Variants in PCSK5 observed in about 807,000 individuals in gnomAD.
PCSK5 encodes the protein prohormone convertase 5.
A neutral mutation model predicts 233.2 loss-of-function variants in PCSK5; 129 were observed. The ratio of observed to expected loss-of-function variants is 0.55; its 90% confidence interval spans 0.48 to 0.64. The LOEUF (loss-of-function observed/expected upper bound fraction) is 0.64. PCSK5 is among the 30% of genes least tolerant of loss of function. The pLI, the probability that PCSK5 is intolerant of heterozygous loss-of-function variation, is 0.00. For synonymous variants in PCSK5, 825 were observed against 879.2 expected (o/e 0.94, Z 1.09); for missense variants, 2,076 against 2,430.1 (o/e 0.85, Z 3.06).
At chr9:76,153,409 C>T (rs1009602714) in intron 10 of PCSK5, among the ~76,000 whole-genome samples, 3 of 152,156 alleles carry the variant, frequency 2.0e-5, no homozygotes, top group Admixed American at 6.5e-5. Context: ...TTGAACTGGT[C>T]GGGATTCCTG....
chr9:76,106,318 A>G (rs1277171224), intron 8 of PCSK5, among the ~76,000 whole-genome samples: 8 of 152,236 alleles, frequency 5.3e-5, no homozygotes, highest in Admixed American at 5.2e-4. Context: ...ATTCTTGTCC[A>G]AGAGGGAGGA....
intron 5 of PCSK5, among the ~76,000 whole-genome samples, chr9:76,046,155 CTTTTG>C (rs1829363877): frequency 2.0e-4 from 11 of 55,704 alleles, no homozygotes; most frequent in African/African-American, 4.7e-4. Flanking sequence ...ATAATTTTTT[CTTTTG>C]TTTTTTTTTT....
rs1823296748 is a variant in PCSK5, at chr9:76,143,104, G to T, written c.1312+8892G>T. On this transcript the variant is annotated intron_variant, in intron 10 of 37. Transcript: ENST00000674117. ...GTGAAAGATGTTTGAGAACTTGAGG[G>T]TTACCAAAAGTTGGGGAACCAAGCT... 2.6e-5 allele frequency among the ~76,000 whole-genome samples: 4 copies of T among 152,046 alleles called. No homozygotes were observed. The South Asian group carries it at 8.3e-4, about 32-fold the overall frequency.
chr9:76,101,764 GA>G (rs1831768284), intron 8 of PCSK5, among the ~76,000 whole-genome samples: 1 of 152,148 alleles, frequency 6.6e-6, no homozygotes. Context: ...GAGTTGGCCT[GA>G]AAAACAAATT....
intron 35 of PCSK5, among the ~76,000 whole-genome samples, chr9:76,341,372 C>G (rs1829830435): frequency 6.6e-6 from 1 of 152,126 alleles, no homozygotes; most frequent in South Asian, 2.1e-4. Context: ...ATTTTAAATA[C>G]TTTGTCAAAT....
intron 24 of PCSK5, among the ~76,000 whole-genome samples, chr9:76,269,213 G>A (rs547270732): frequency 6.6e-6 from 1 of 152,278 alleles, no homozygotes; most frequent in African/African-American, 2.4e-5. Context: ...GTTTGTGCTG[G>A]CTGAACAAAT....
At chr9:76,130,054 G>T (rs1388822774) in intron 9 of PCSK5, among the ~76,000 whole-genome samples, 2 of 151,974 alleles carry the variant, frequency 1.3e-5, no homozygotes, top group Non-Finnish European at 2.9e-5. Context: ...AACAATAATG[G>T]TATGCAATAA....
At chr9:76,102,236 C>A (rs1488574317) in intron 8 of PCSK5, among the ~76,000 whole-genome samples, 1 of 152,130 alleles carries the variant, frequency 6.6e-6, no homozygotes, top group Admixed American at 6.5e-5. Context: ...CACTGACGAG[C>A]CCTTTTGTAG....
chr9:76,336,599 C>T (rs1053047621), intron 34 of PCSK5, among the ~76,000 whole-genome samples: 1 of 152,184 alleles, frequency 6.6e-6, no homozygotes, highest in Non-Finnish European at 1.5e-5. Context: ...TGTCTAAATT[C>T]TCTAAGCTTC....
chr9:76,279,441 C>T (rs1029703023), intron 24 of PCSK5, among the ~76,000 whole-genome samples: 1 of 151,366 alleles, frequency 6.6e-6, no homozygotes, highest in Non-Finnish European at 1.5e-5. Flanking sequence ...AATGGGATGG[C>T]TGGGTCAAAT....
chr9:76,337,102 C>T (rs1829698270), intron 34 of PCSK5, among the ~76,000 whole-genome samples: 2 of 131,636 alleles, frequency 1.5e-5, no homozygotes, highest in Non-Finnish European at 3.5e-5. Flanking sequence ...TTGTCACCTC[C>T]TATTTCAAAA....
At chr9:76,274,143 G>A (rs1321462260) in intron 24 of PCSK5, among the ~76,000 whole-genome samples, 15 of 151,570 alleles carry the variant, frequency 9.9e-5, no homozygotes, top group Admixed American at 9.2e-4. Flanking sequence ...GCCTCTATGG[G>A]TTGAAGCTTC....
chr9:75,920,364 A>C (rs530598399), intron 1 of PCSK5, among the ~76,000 whole-genome samples: 1 of 152,078 alleles, frequency 6.6e-6, no homozygotes, highest in Admixed American at 6.5e-5. Context: ...TCAGAGCTCA[A>C]TGCAGCCTCA....
At chr9:76,320,463 A>T (rs1829161298) in intron 30 of PCSK5, among the ~76,000 whole-genome samples, 1 of 95,710 alleles carries the variant, frequency 1.0e-5, no homozygotes, top group Non-Finnish European at 2.1e-5. Context: ...AGTACATTGT[A>T]GCTTTTTTTT....
Position 76,360,852 on chromosome 9 carries a change from T to C in PCSK5, c.*1930T>C, listed in dbSNP as rs1277937013. The C allele has an allele frequency of 1.3e-5, 2 of 152,234 alleles. No individual in the cohort carries two copies. Among genetic ancestry groups the C allele is most frequent in the Non-Finnish European group, 1.5e-5 (1 of 68,038 alleles). 9.4% of individuals were successfully genotyped at this position (152,234 alleles called of 1,614,324 possible). Reference sequence around the variant, plus strand: ...CAGGTAATTTTCACATATTATAAAATTTTATTCTTCTTTTGATTTTTTTCA... The same window carrying C: ...CAGGTAATTTTCACATATTATAAAACTTTATTCTTCTTTTGATTTTTTTCA... On this transcript the variant is annotated 3_prime_UTR_variant, in exon 38 of 38. Coordinates refer to ENST00000674117, the MANE Select transcript of PCSK5 (RefSeq NM_001372043.1).
At chr9:76,335,931 G>C (rs1479435438) in intron 34 of PCSK5, among the ~76,000 whole-genome samples, 1 of 152,138 alleles carries the variant, frequency 6.6e-6, no homozygotes, top group Non-Finnish European at 1.5e-5. Context: ...CTTGCCCAAA[G>C]TCACAGAGCT....
At chr9:76,186,958 G>T (rs1279812428) in intron 17 of PCSK5, among the ~76,000 whole-genome samples, 1 of 151,970 alleles carries the variant, frequency 6.6e-6, no homozygotes, top group Non-Finnish European at 1.5e-5. Context: ...GGGCTTCCAG[G>T]GTTGACCATT....
At position 76,093,582 on chromosome 9, in the gene PCSK5, T is replaced by TATACAC. The variant is rs375899150; in HGVS notation, c.895-2307_895-2306insTACACA. 1.6e-4 allele frequency among the ~76,000 whole-genome samples: 24 copies of TATACAC among 149,932 alleles called. No individual in the cohort carries two copies. In the South Asian group the frequency reaches 1.7e-3, roughly 11 times the overall value. ...TCATAATTTTATATATATATATATA[T>TATACAC]ACACACACACACACACACGTGCTTG... On this transcript the variant is annotated intron_variant, in intron 7 of 37. Coordinates refer to ENST00000674117, the MANE Select transcript of PCSK5 (RefSeq NM_001372043.1).
intron 24 of PCSK5, among the ~76,000 whole-genome samples, chr9:76,241,807 T>A (rs1244942853): frequency 6.6e-6 from 1 of 152,190 alleles, no homozygotes; most frequent in African/African-American, 2.4e-5. Flanking sequence ...GTTCATGGAA[T>A]AATTTGTCTT....
Sources: gnomAD v4.1 joint callset for allele counts (sites outside exome capture counted in the v4.1 genomes callset) on GRCh38, gnomAD v4.1.1 for gene constraint, MANE v1.5 for transcripts, NCBI Gene and HGNC (gene_info 2026-07-23, HGNC 2026-07-21) for gene names.